Variants in ST7 observed in about 807,000 individuals in gnomAD.
The protein encoded by ST7 is suppression of tumorigenicity 7, also known as suppressor of tumorigenicity 7 protein.
In ST7, 28 loss-of-function variants were observed where a neutral mutation model predicts 78.7. The ratio of observed to expected loss-of-function variants is 0.36; its 90% confidence interval spans 0.26 to 0.49. The LOEUF (loss-of-function observed/expected upper bound fraction) is 0.49. ST7 is among the 20% of genes least tolerant of loss of function. The pLI is 0.99. For missense variants in ST7, 418 were observed against 696.0 expected, an observed-to-expected ratio of 0.60 and a Z score of 4.49; for synonymous variants, 247 against 249.6, an observed-to-expected ratio of 0.99 and a Z score of 0.10.
intron 2 of ST7, among the ~76,000 whole-genome samples, chr7:117,114,486 A>T (rs1319835526): frequency 6.6e-6 from 1 of 151,712 alleles, no homozygotes; most frequent in Non-Finnish European, 1.5e-5. Context: ...TCTATCTAGG[A>T]GTAGACTGCC....
chr7:117,024,437 T>C (rs1796090873), intron 1 of ST7, among the ~76,000 whole-genome samples: 2 of 152,128 alleles, frequency 1.3e-5, no homozygotes, highest in Non-Finnish European at 1.5e-5. Context: ...AGGGTACCAC[T>C]TAAGAAGTAC....
intron 1 of ST7, among the ~76,000 whole-genome samples, chr7:117,087,718 T>C (rs1250306027): frequency 1.3e-5 from 2 of 152,184 alleles, no homozygotes; most frequent in African/African-American, 2.4e-5. Flanking sequence ...TTCACTGTCT[T>C]TAATCACTTC....
At chr7:117,066,216 G>A (rs1409868656) in intron 1 of ST7, among the ~76,000 whole-genome samples, 1 of 152,054 alleles carries the variant, frequency 6.6e-6, no homozygotes, top group East Asian at 1.9e-4. Flanking sequence ...AACCTTATTT[G>A]TAGATGAGGA....
At chr7:117,029,046 G>A (rs888550451) in intron 1 of ST7, among the ~76,000 whole-genome samples, 3 of 152,130 alleles carry the variant, frequency 2.0e-5, no homozygotes, top group African/African-American at 7.2e-5. Context: ...TATTTTGTAT[G>A]TTAAATATAT....
intron 10 of ST7, among the ~76,000 whole-genome samples, chr7:117,177,854 C>A (rs547775534): frequency 6.6e-6 from 1 of 152,166 alleles, no homozygotes; most frequent in Middle Eastern, 3.2e-3. Flanking sequence ...AAGGAGAATC[C>A]TGTATGTCTA....
At chr7:117,180,582 A>G (rs1371889837) in intron 10 of ST7, among the ~76,000 whole-genome samples, 1 of 152,224 alleles carries the variant, frequency 6.6e-6, no homozygotes, top group Non-Finnish European at 1.5e-5. Context: ...AATAAAAGGA[A>G]TATTAGGCAC....
At chr7:117,220,526 A>C (rs535511152) in intron 14 of ST7, among the ~76,000 whole-genome samples, 1 of 152,322 alleles carries the variant, frequency 6.6e-6, no homozygotes, top group Admixed American at 6.5e-5. Flanking sequence ...GAGTCCAATT[A>C]AGTTTCCATG....
chr7:117,194,774 C>G (rs890687419), intron 12 of ST7, among the ~76,000 whole-genome samples: 1 of 152,168 alleles, frequency 6.6e-6, no homozygotes, highest in African/African-American at 2.4e-5. Flanking sequence ...GCTGCATGCT[C>G]ACTCTGCTCT....
intron 15 of ST7, among the ~76,000 whole-genome samples, chr7:117,225,007 C>G (rs960783332): frequency 3.3e-5 from 5 of 152,178 alleles, no homozygotes; most frequent in Non-Finnish European, 7.3e-5. Context: ...ATGGGCAACT[C>G]AGTTGTCAAG....
intron 1 of ST7, among the ~76,000 whole-genome samples, chr7:117,057,995 G>T (rs571637033): frequency 6.6e-6 from 1 of 152,110 alleles, no homozygotes; most frequent in African/African-American, 2.4e-5. Context: ...TGTTTCTTGT[G>T]TGGGGGCCAC....
chr7:117,106,770 G>A (rs527833381), intron 2 of ST7, among the ~76,000 whole-genome samples: 5 of 151,736 alleles, frequency 3.3e-5, no homozygotes, highest in Non-Finnish European at 4.4e-5. Context: ...ACAGGCGCCC[G>A]CCACCATGCC....
chr7:116,978,754 T>G (rs1185222993), intron 1 of ST7, among the ~76,000 whole-genome samples: 2 of 151,928 alleles, frequency 1.3e-5, no homozygotes, highest in East Asian at 1.9e-4. Context: ...TCCAGCTAAT[T>G]TTTTGTATTT....
chr7:116,958,235 C>T (rs1273494839), intron 1 of ST7, among the ~76,000 whole-genome samples: 1 of 145,240 alleles, frequency 6.9e-6, no homozygotes, highest in Non-Finnish European at 1.5e-5. Flanking sequence ...TCAAGCAGTC[C>T]TACTGCCTCC....
chr7:117,030,578 A>G (rs1210779926), intron 1 of ST7, among the ~76,000 whole-genome samples: 1 of 152,220 alleles, frequency 6.6e-6, no homozygotes, highest in African/African-American at 2.4e-5. Context: ...CAACAAGCAT[A>G]TGAAAAAATG....
At chr7:117,015,014 G>C in intron 1 of ST7, 1 of 1,300,788 alleles carries the variant, frequency 7.7e-7, no homozygotes, top group Non-Finnish European at 1.0e-6. Context: ...GGATTATACA[G>C]GTAAAATTAA....
At chr7:117,140,266 A>G (rs900225713) in intron 9 of ST7, among the ~76,000 whole-genome samples, 2 of 149,228 alleles carry the variant, frequency 1.3e-5, no homozygotes, top group Non-Finnish European at 3.0e-5. Flanking sequence ...CTTGGGGGAG[A>G]GATGGATGCA....
chr7:117,132,100 A>G (rs1311365646), intron 6 of ST7, 140 bp downstream of exon 6: 1 of 862,452 alleles, frequency 1.2e-6, no homozygotes, highest in Non-Finnish European at 1.7e-6. Context: ...TATTTAAAAA[A>G]GTTTTTTTTT....
chr7:117,143,522 T>A (rs928795484), intron 9 of ST7, among the ~76,000 whole-genome samples: 4 of 152,210 alleles, frequency 2.6e-5, no homozygotes, highest in South Asian at 2.1e-4. Flanking sequence ...TTAAATATCA[T>A]CTCAATGACA....
chr7:116,980,466 G>GA (rs1407740910), intron 1 of ST7, among the ~76,000 whole-genome samples: 2 of 152,044 alleles, frequency 1.3e-5, no homozygotes, highest in Non-Finnish European at 2.9e-5. Context: ...CTTTTCCCTC[G>GA]AGAGTTTTAC....
Sources: gnomAD v4.1 joint callset for allele counts (sites outside exome capture counted in the v4.1 genomes callset) on GRCh38, gnomAD v4.1.1 for gene constraint, MANE v1.5 for transcripts, NCBI Gene and HGNC (gene_info 2026-07-23, HGNC 2026-07-21) for gene names.